Variants in CACHD1 observed in about 807,000 individuals in gnomAD.
CACHD1 encodes cache domain containing 1.
CACHD1 carries 71 observed loss-of-function variants against 138.7 expected under a neutral mutation model. The ratio of observed to expected loss-of-function variants is 0.51; its 90% CI spans 0.42 to 0.62. The LOEUF (loss-of-function observed/expected upper bound fraction) is 0.62, where lower values mean the gene tolerates loss of function less well. CACHD1 is among the 20% of genes least tolerant of loss of function. CACHD1 has a pLI of 0.00. For missense variants in CACHD1, 1,389 were observed against 1,625.3 expected, an observed-to-expected ratio of 0.85 and a Z score of 2.50; for synonymous variants, 578 against 591.5, an observed-to-expected ratio of 0.98 and a Z score of 0.33.
rs142857741 is a variant in CACHD1, at chr1:64,494,443, C to T, written c.198+23501C>T. ...AGTGACATATCTCCAGCAGTTGTCA[C>T]GGACGAGATTTATTTATATAGGATA... On this transcript the variant is annotated intron_variant, in intron 1 of 26. Coordinates refer to ENST00000651257, the MANE Select transcript of CACHD1 (RefSeq NM_020925.4). 7.2e-5 allele frequency among the ~76,000 whole-genome samples: 11 copies of T among 152,314 alleles called. No individual in the cohort carries two copies. In the East Asian group the frequency reaches 1.5e-3, roughly 21 times the overall value.
chr1:64,494,371 T>C (rs539369181), intron 1 of CACHD1, among the ~76,000 whole-genome samples: 1 of 152,326 alleles, frequency 6.6e-6, no homozygotes, highest in African/African-American at 2.4e-5. Context: ...TCTCTTAATT[T>C]GAAAGAAATC....
At chr1:64,676,016 AATAATAATAATAATAATAAT>A (rs1649979099) in intron 21 of CACHD1, 33 bp downstream of exon 21, 1 of 538,744 alleles carries the variant, frequency 1.9e-6, no homozygotes, top group Admixed American at 4.8e-5. Context: ...TAATAATAAT[AATAATAATAATAATAATAAT>A]AATACATATG....
chr1:64,564,937 C>T (rs1570370819), intron 2 of CACHD1, among the ~76,000 whole-genome samples: 1 of 151,768 alleles, frequency 6.6e-6, no homozygotes, highest in African/African-American at 2.4e-5. Flanking sequence ...TAGACAAGAG[C>T]GGGTACAGAA....
chr1:64,582,706 G>T (rs1383844878), intron 3 of CACHD1, among the ~76,000 whole-genome samples: 1 of 152,122 alleles, frequency 6.6e-6, no homozygotes, highest in Non-Finnish European at 1.5e-5. Context: ...TACTTTAGTA[G>T]ATACTATCTT....
At chr1:64,603,002 T>A in intron 4 of CACHD1, 90 bp downstream of exon 4, 1 of 830,862 alleles carries the variant, frequency 1.2e-6, no homozygotes, top group Non-Finnish European at 2.0e-6. Context: ...TTTTTTAATT[T>A]TTGAAGAGAA....
Position 64,675,475 on chromosome 1 carries a change from G to C in CACHD1, c.2802G>C (p.Ala934=). 1 of 1,613,726 alleles carries C rather than the reference G, an allele frequency of 6.2e-7. No homozygotes were observed. The highest frequency in any genetic ancestry group is 8.5e-7 in the Non-Finnish European group (1 of 1,179,684). The stretch of plus-strand genomic sequence containing the variant: ...TAGCAAGGATCCCAGGAACCAACGC[G>C]TTTGTTGGCATTGTCAACGAAACCT... ...YRLARIPGTN[A]FVGIVNETCD... is the part of the protein sequence containing the mutation. The change falls in exon 20 of 27, where the codon GCG becomes GCC. Residue 934 remains alanine (A), a synonymous_variant. Transcript: ENST00000651257.
chr1:64,514,474 A>G (rs1646444636), intron 1 of CACHD1, among the ~76,000 whole-genome samples: 1 of 152,168 alleles, frequency 6.6e-6, no homozygotes, highest in South Asian at 2.1e-4. Flanking sequence ...AAAGTCTTCT[A>G]GCTTTAACAT....
At chr1:64,639,725 C>T (rs1454581975) in intron 7 of CACHD1, among the ~76,000 whole-genome samples, 1 of 152,218 alleles carries the variant, frequency 6.6e-6, no homozygotes, top group Admixed American at 6.5e-5. Flanking sequence ...TTTGTGTCTT[C>T]ACCATTAGGA....
intron 1 of CACHD1, among the ~76,000 whole-genome samples, chr1:64,523,703 T>G (rs1181674842): frequency 6.6e-6 from 1 of 152,232 alleles, no homozygotes; most frequent in Non-Finnish European, 1.5e-5. Context: ...AAGCCTGTGA[T>G]TCTGTAAATC....
Position 64,605,733 on chromosome 1 carries a change from A to G in CACHD1, c.517+2821A>G, listed in dbSNP as rs550889104. On this transcript the variant is annotated intron_variant, in intron 4 of 26. Coordinates refer to ENST00000651257, the MANE Select transcript of CACHD1 (RefSeq NM_020925.4). ...GTCGGTCAGATCTTGGAGGATCTGG[A>G]GGCTGTGGCAGCCAGGGCCTCATCC... Among the ~76,000 whole-genome samples, 7 of 152,264 alleles carry G rather than the reference A, an allele frequency of 4.6e-5. No homozygotes were observed. In the South Asian group the frequency reaches 8.3e-4, roughly 18 times the overall value.
At position 64,541,426 on chromosome 1, in the gene CACHD1, G is replaced by A. The variant is rs1052990109; in HGVS notation, c.199-9168G>A. 1.8e-4 allele frequency among the ~76,000 whole-genome samples: 28 copies of A among 152,150 alleles called. 1 individual carries two copies. Among genetic ancestry groups the A allele is most frequent in the South Asian group, 6.2e-4 (3 of 4,824 alleles). On this transcript the variant is annotated intron_variant, in intron 1 of 26. Coordinates refer to ENST00000651257, the MANE Select transcript of CACHD1 (RefSeq NM_020925.4). ...TATATATTTTCAAATGTTTTGTAAT[G>A]GACATATTACTTTGATTGTAGCATA...
chr1:64,562,681 A>G (rs4915986), intron 2 of CACHD1, among the ~76,000 whole-genome samples: 123,416 of 151,638 alleles, frequency 0.81, 52,235 homozygotes, highest in South Asian at 0.94. Flanking sequence ...TTGGCCTCCC[A>G]AAGTGCTGGG....
At chr1:64,607,679 C>T (rs1370661308) in intron 4 of CACHD1, among the ~76,000 whole-genome samples, 4 of 152,120 alleles carry the variant, frequency 2.6e-5, no homozygotes, top group African/African-American at 7.2e-5. Context: ...TACTGCATCA[C>T]CAGTAGAGGA....
chr1:64,644,431 G>T (rs1335224475), intron 8 of CACHD1, among the ~76,000 whole-genome samples: 1 of 152,178 alleles, frequency 6.6e-6, no homozygotes, highest in Non-Finnish European at 1.5e-5. Flanking sequence ...GGAGTAAGGA[G>T]GCCCAAAAGG....
In CACHD1 at chr1:64,663,757, C is replaced by T; in HGVS notation, c.2014C>T (p.Pro672Ser). Residue 672 changes from proline (P) to serine (S), a missense_variant, in exon 14 of 27, where the codon CCA (proline) becomes TCA (serine). By Grantham distance (74) the Pro-to-Ser change is moderately conservative. Transcript: ENST00000651257. ...FSSPYEHLSQ[P>S]ETKRMVEHYT... Reference sequence around the variant, plus strand: ...CTCCCCCTATGAGCACCTCAGCCAGCCAGAGACAAAGCGCATGGTAGAGCA... The same window carrying T: ...CTCCCCCTATGAGCACCTCAGCCAGTCAGAGACAAAGCGCATGGTAGAGCA... 6.2e-7 allele frequency: 1 copy of T among 1,614,060 alleles called. No homozygotes were observed. Among genetic ancestry groups the T allele is most frequent in the Non-Finnish European group, 8.5e-7 (1 of 1,179,992 alleles).
In CACHD1 at chr1:64,683,036, A is replaced by G. The variant is rs188885056; in HGVS notation, c.3586+930A>G. Among the ~76,000 whole-genome samples, 239 of 152,246 alleles carry G rather than the reference A, an allele frequency of 1.6e-3. 2 individuals are homozygous for G. The highest frequency in any genetic ancestry group is 5.7e-3 in the African/African-American group (236 of 41,542). The stretch of plus-strand genomic sequence containing the variant: ...CTTTTTCCACACCTATCCTGGAAAA[A>G]AAAAGTCCTCAAACCTTGTATTCCC... On this transcript the variant is annotated intron_variant, in intron 26 of 26. Coordinates refer to ENST00000651257, the MANE Select transcript of CACHD1 (RefSeq NM_020925.4).
intron 16 of CACHD1, among the ~76,000 whole-genome samples, chr1:64,669,904 C>T (rs897513906): frequency 6.6e-6 from 1 of 152,116 alleles, no homozygotes; most frequent in Non-Finnish European, 1.5e-5. Flanking sequence ...TATTTTTCAC[C>T]GAGGTAGCTG....
Position 64,691,515 on chromosome 1 carries a change from A to G in CACHD1, c.3779A>G (p.His1260Arg), listed in dbSNP as rs376737564. Reference sequence around the variant, plus strand: ...CACCCTACACTTCATCATAGCCACCACTTACAGGCGGCCGTCACGGTACAC... The same window carrying G: ...CACCCTACACTTCATCATAGCCACCGCTTACAGGCGGCCGTCACGGTACAC... ...SHHPTLHHSH[H>R]LQAAVTVHTV... Residue 1260 changes from histidine to arginine, a missense_variant, in exon 27 of 27, where the codon CAC becomes CGC. Physicochemically the swap from His to Arg is conservative, Grantham distance 29. This residue lies in a region of CACHD1 where 78 missense variants were observed against 76.9 expected (regional missense o/e 1.01). Transcript: ENST00000651257. 7.1e-5 allele frequency: 114 copies of G among 1,613,990 alleles called. No homozygotes were observed. The South Asian group carries it at 1.2e-3, about 16-fold the overall frequency.
At chr1:64,576,712 T>C (rs533135837) in intron 2 of CACHD1, among the ~76,000 whole-genome samples, 5 of 152,270 alleles carry the variant, frequency 3.3e-5, no homozygotes, top group East Asian at 3.9e-4. Flanking sequence ...TATCCTATAA[T>C]GGTACATAGT....
Sources: gnomAD v4.1 joint callset for allele counts (sites outside exome capture counted in the v4.1 genomes callset) on GRCh38, gnomAD v4.1.1 for gene constraint, gnomAD v4.1.1 regional missense constraint, MANE v1.5 for transcripts, NCBI Gene and HGNC (gene_info 2026-07-23, HGNC 2026-07-21) for gene names.